The following CSMD1 variants were observed in gnomAD, a reference collection of about 807,000 sequenced individuals.
CSMD1 encodes the protein CUB and sushi domain-containing protein 1.
Under a neutral mutation model 417.5 loss-of-function variants are expected in CSMD1, and 213 were observed. That is an observed-to-expected ratio of 0.51 (90% CI 0.46 to 0.57). The LOEUF (loss-of-function observed/expected upper bound fraction) is 0.57. Among genes scored for constraint, CSMD1 ranks in the 20% least tolerant of loss-of-function variants. The pLI, the probability that CSMD1 is intolerant of heterozygous loss-of-function variation, is 0.00. For missense variants in CSMD1, 6,923 were observed against 4,529.7 expected, an observed-to-expected ratio of 1.53 and a Z score of -15.17; for synonymous variants, 2,862 against 1,736.8, an observed-to-expected ratio of 1.65 and a Z score of -16.11.
At chr8:3,347,362 G>C (rs183439766) in intron 22 of CSMD1, among the ~76,000 whole-genome samples, 7 of 152,288 alleles carry the variant, frequency 4.6e-5, no homozygotes, top group East Asian at 1.9e-4. Flanking sequence ...GGCATTTCTA[G>C]TTGGAGCTGG....
intron 3 of CSMD1, among the ~76,000 whole-genome samples, chr8:4,177,638 G>C (rs544500086): frequency 2.1e-5 from 3 of 144,026 alleles, no homozygotes; most frequent in African/African-American, 7.7e-5. Flanking sequence ...AATGAATCCA[G>C]GAGCTGCTTT....
chr8:4,256,815 C>A (rs777704275), intron 3 of CSMD1, among the ~76,000 whole-genome samples: 2 of 152,110 alleles, frequency 1.3e-5, no homozygotes, highest in Non-Finnish European at 2.9e-5. Context: ...GGCATAAAGT[C>A]GAGTTATGAG....
intron 49 of CSMD1, among the ~76,000 whole-genome samples, chr8:3,055,051 G>A (rs1156499027): frequency 1.3e-5 from 2 of 152,044 alleles, no homozygotes; most frequent in African/African-American, 2.4e-5. Context: ...TCTCCCACTC[G>A]CTGGCTGGAA....
intron 3 of CSMD1, among the ~76,000 whole-genome samples, chr8:4,235,431 G>T (rs1178290632): frequency 6.6e-6 from 1 of 151,322 alleles, no homozygotes; most frequent in African/African-American, 2.4e-5. Context: ...TAAAGGCTAT[G>T]TAGTATGCCA....
chr8:3,251,842 C>G (rs1471296672), intron 26 of CSMD1, among the ~76,000 whole-genome samples: 2 of 152,174 alleles, frequency 1.3e-5, no homozygotes, highest in African/African-American at 2.4e-5. Context: ...AATGGCAGTT[C>G]ACTCATGATT....
chr8:4,002,021 G>C (rs575290895), intron 4 of CSMD1, among the ~76,000 whole-genome samples: 1 of 152,258 alleles, frequency 6.6e-6, no homozygotes, highest in South Asian at 2.1e-4. Context: ...AGATATATTA[G>C]AATTGTTTGT....
intron 1 of CSMD1, among the ~76,000 whole-genome samples, chr8:4,863,562 A>AT (rs1009422456): frequency 1.3e-4 from 20 of 151,964 alleles, no homozygotes; most frequent in African/African-American, 4.4e-4. Flanking sequence ...TCATTCCTGC[A>AT]TTTTTTTAGC....
At chr8:4,765,661 A>C (rs1183472789) in intron 1 of CSMD1, among the ~76,000 whole-genome samples, 2 of 152,202 alleles carry the variant, frequency 1.3e-5, no homozygotes, top group Non-Finnish European at 2.9e-5. Flanking sequence ...ATCCAAGCAA[A>C]CTTGCTGTGC....
intron 25 of CSMD1, among the ~76,000 whole-genome samples, chr8:3,291,582 C>T (rs1049800758): frequency 5.9e-5 from 9 of 152,212 alleles, no homozygotes; most frequent in Non-Finnish European, 2.9e-5. Flanking sequence ...GGAATTTATC[C>T]ATTTTTTCTA....
At chr8:4,338,490 C>T (rs1441005935) in intron 3 of CSMD1, among the ~76,000 whole-genome samples, 3 of 152,110 alleles carry the variant, frequency 2.0e-5, no homozygotes, top group Non-Finnish European at 2.9e-5. Context: ...AAATCTACCT[C>T]GGGATATTGT....
chr8:4,766,202 A>G (rs965432103), intron 1 of CSMD1, among the ~76,000 whole-genome samples: 8 of 152,174 alleles, frequency 5.3e-5, no homozygotes, highest in African/African-American at 1.9e-4. Context: ...GTTGCCTACT[A>G]ACAGAGCATG....
intron 3 of CSMD1, among the ~76,000 whole-genome samples, chr8:4,306,041 G>C (rs1341517186): frequency 2.0e-5 from 3 of 152,154 alleles, no homozygotes; most frequent in Admixed American, 6.6e-5. Context: ...ATTATATTAA[G>C]TATGCACATT....
At chr8:3,810,645 T>A (rs1662709829) in intron 5 of CSMD1, among the ~76,000 whole-genome samples, 1 of 152,188 alleles carries the variant, frequency 6.6e-6, no homozygotes, top group African/African-American at 2.4e-5. Flanking sequence ...AGTCTTTAGT[T>A]TATAAAACTT....
At chr8:4,791,096 G>A (rs1356286714) in intron 1 of CSMD1, among the ~76,000 whole-genome samples, 1 of 151,836 alleles carries the variant, frequency 6.6e-6, no homozygotes, top group African/African-American at 2.4e-5. Flanking sequence ...GAGAGACGGT[G>A]AGAAGAGACG....
Position 2,965,920 on chromosome 8 carries a change from A to G in CSMD1, c.9135T>C (p.Asn3045=), listed in dbSNP as rs1367551956. Residue 3045 remains asparagine (N), a synonymous_variant, in exon 59 of 70, where the codon AAT becomes AAC. Coordinates refer to ENST00000635120, the MANE Select transcript of CSMD1 (RefSeq NM_033225.6). ...TGAAGTCGGTCCCAAACTGGATGCC[A>G]TTTGCTAGTGTGCCTGGATCCCCAC... ...ISCGDPGTLA[N]GIQFGTDFTF... 1.9e-5 allele frequency: 30 copies of G among 1,609,522 alleles called. No individual in the cohort carries two copies. The highest frequency in any genetic ancestry group is 2.7e-5 in the African/African-American group (2 of 74,880).
intron 5 of CSMD1, chr8:3,950,035 T>A: frequency 2.2e-6 from 1 of 455,688 alleles, no homozygotes; most frequent in South Asian, 1.5e-5. Context: ...CTGTGCGTAT[T>A]TGCTGTCACG....
chr8:3,268,287 C>CTTTTTTTTTTTTTTTTTTTTTTTTT lies in CSMD1; in HGVS notation c.4153+15856_4153+15857insAAAAAAAAAAAAAAAAAAAAAAAAA, dbSNP rs1172040830. Among the ~76,000 whole-genome samples the CTTTTTTTTTTTTTTTTTTTTTTTTT allele has an allele frequency of 5.2e-5, 6 of 114,652 alleles. 2 individuals carry two copies. The highest frequency in any genetic ancestry group is 5.2e-5 in the Non-Finnish European group (3 of 58,094). 75.2% of individuals were successfully genotyped at this position (114,652 alleles called of 152,430 possible). A position where few individuals can be genotyped will look rare whatever the true frequency, so the allele number is the denominator to read the frequency against. On this transcript the variant is annotated intron_variant, in intron 26 of 69. Transcript: ENST00000635120. Reference sequence around the variant, plus strand: ...AGGGTGTGGTCAGATGGTTCATTTCCTATTTTTTTTTTTTTTTTTTTTTTT... The same window carrying CTTTTTTTTTTTTTTTTTTTTTTTTT: ...AGGGTGTGGTCAGATGGTTCATTTCCTTTTTTTTTTTTTTTTTTTTTTTTTTATTTTTTTTTTTTTTTTTTTTTTT...
At chr8:4,820,352 G>C (rs948165061) in intron 1 of CSMD1, among the ~76,000 whole-genome samples, 4 of 152,148 alleles carry the variant, frequency 2.6e-5, no homozygotes, top group Non-Finnish European at 5.9e-5. Flanking sequence ...AGGTAAGAAT[G>C]ACTCATATGC....
intron 7 of CSMD1, among the ~76,000 whole-genome samples, chr8:3,672,531 C>A (rs1032848814): frequency 6.6e-6 from 1 of 152,166 alleles, no homozygotes; most frequent in Admixed American, 6.6e-5. Context: ...TACAAGAAAT[C>A]AATTATATTA....
Sources: allele counts gnomAD v4.1 joint callset (sites outside exome capture counted in the v4.1 genomes callset), GRCh38; gene constraint gnomAD v4.1.1; transcripts MANE v1.5; gene names NCBI Gene and HGNC (gene_info 2026-07-23, HGNC 2026-07-21).